The following MID1 variants were observed in gnomAD, a reference collection of about 807,000 sequenced individuals.
The protein encoded by MID1 is E3 ubiquitin-protein ligase Midline-1.
A neutral mutation model predicts 40.4 loss-of-function variants in MID1; 7 were observed. The ratio of observed to expected loss-of-function variants is 0.17; its 90% confidence interval spans 0.10 to 0.33. MID1 has a LOEUF of 0.33. Among genes scored for constraint, MID1 ranks in the 10% least tolerant of loss-of-function variants. The pLI is 1.00. For synonymous variants in MID1, 229 were observed against 221.2 expected, an observed-to-expected ratio of 1.04 and a Z score of -0.31; for missense variants, 367 against 558.5, an observed-to-expected ratio of 0.66 and a Z score of 3.46.
chrX:10,765,537 G>A (rs1406514593), intron 1 of MID1, among the ~76,000 whole-genome samples: 5 of 111,723 alleles, frequency 4.5e-5, no homozygotes, highest in Non-Finnish European at 7.5e-5. Context: ...AGTTTTTAAG[G>A]CTCTTTTCTT....
chrX:10,719,345 A>G (rs1353379982), intron 1 of MID1, among the ~76,000 whole-genome samples: 1 of 111,890 alleles, frequency 8.9e-6, no homozygotes, highest in Non-Finnish European at 1.9e-5. Flanking sequence ...CAACTTCAGC[A>G]AAGTCTCAGG....
chrX:10,526,821 C>T (rs1248685891), intron 2 of MID1, among the ~76,000 whole-genome samples: 1 of 111,477 alleles, frequency 9.0e-6, no homozygotes, highest in Non-Finnish European at 1.9e-5. Context: ...AAAGAATTAC[C>T]GAGTCAGTTA....
chrX:10,482,472 G>T lies in MID1; in HGVS notation c.1013+8C>A, dbSNP rs1361489913. The T allele has an allele frequency of 4.1e-6, 5 of 1,206,573 alleles. No individual in the cohort carries two copies. The highest frequency in any genetic ancestry group is 3.5e-5 in the African/African-American group (2 of 57,059). ...AGCCGAGAAATTCCCAGGGGCCCCT[G>T]CACTCACCTCTCGGTGATATTCTTA... is the stretch of plus-strand genomic sequence containing the variant. On this transcript the variant is annotated splice_region_variant and intron_variant, in intron 5 of 9. Transcript: ENST00000317552.
chrX:10,747,958 T>TTTTC (rs200851924), intron 1 of MID1, among the ~76,000 whole-genome samples: 1 of 111,628 alleles, frequency 9.0e-6, no homozygotes, highest in South Asian at 3.7e-4. Flanking sequence ...AGGGACTTCT[T>TTTTC]TTTCTTTCTT....
At chrX:10,487,495 A>G (rs759495983) in intron 4 of MID1, among the ~76,000 whole-genome samples, 35 of 112,017 alleles carry the variant, frequency 3.1e-4, no homozygotes, top group African/African-American at 1.1e-3. Context: ...TAGAATTTAC[A>G]TATCATAAAC....
rs1936224352 is a variant in MID1 at position 10,643,351 on chromosome X, A to G, written c.-186-22932T>C. Among the ~76,000 whole-genome samples the G allele has an allele frequency of 3.6e-5, 4 of 111,937 alleles. No homozygotes were observed. In the South Asian group the frequency reaches 1.5e-3, roughly 42 times the overall value. ...CAAACAGCCCCATCAAAAAGTGGGC[A>G]AAGGATATGAACAGACACTTCTCAA... On this transcript the variant is annotated intron_variant, in intron 1 of 10. Coordinates refer to the MID1 transcript ENST00000380785.
intron 2 of MID1, among the ~76,000 whole-genome samples, chrX:10,553,285 T>C (rs1368980311): frequency 9.3e-6 from 1 of 107,997 alleles, no homozygotes; most frequent in African/African-American, 3.5e-5. Context: ...TATATATATA[T>C]GTATACACAC....
intron 2 of MID1, among the ~76,000 whole-genome samples, chrX:10,552,479 T>C (rs2046188146): frequency 9.0e-6 from 1 of 111,478 alleles, no homozygotes; most frequent in Non-Finnish European, 1.9e-5. Flanking sequence ...ACCCATATCC[T>C]GCAATACTTT....
intron 2 of MID1, among the ~76,000 whole-genome samples, chrX:10,566,338 G>A (rs1025182579): frequency 4.5e-5 from 5 of 111,354 alleles, no homozygotes; most frequent in Admixed American, 9.5e-5. Flanking sequence ...AAAAGGTCAC[G>A]TGTCCTCTAA....
intron 1 of MID1, among the ~76,000 whole-genome samples, chrX:10,820,280 A>G (rs2044165756): frequency 8.9e-6 from 1 of 112,211 alleles, no homozygotes; most frequent in African/African-American, 3.2e-5. Context: ...GAACTGGGCA[A>G]ATCCATAAAG....
intron 2 of MID1, among the ~76,000 whole-genome samples, chrX:10,560,002 C>T (rs1244396714): frequency 1.8e-5 from 2 of 109,119 alleles, no homozygotes; most frequent in Non-Finnish European, 3.8e-5. Context: ...TCACCTCAGC[C>T]TCCAGAGTAA....
chrX:10,570,280 G>A (rs1934686056), intron 1 of MID1, among the ~76,000 whole-genome samples: 1 of 111,806 alleles, frequency 8.9e-6, no homozygotes, highest in Admixed American at 9.5e-5. Flanking sequence ...CTGCTCCAGT[G>A]TCACTTTCTC....
chrX:10,655,735 C>T (rs915699276), intron 1 of MID1, among the ~76,000 whole-genome samples: 13 of 110,734 alleles, frequency 1.2e-4, no homozygotes, highest in Non-Finnish European at 2.3e-4. Flanking sequence ...GGCTTGTGCT[C>T]GCTGGCCGCT....
At chrX:10,725,120 A>AACAGC (rs2043381038) in intron 1 of MID1, among the ~76,000 whole-genome samples, 1 of 112,158 alleles carries the variant, frequency 8.9e-6, no homozygotes, top group African/African-American at 3.2e-5. Flanking sequence ...TACAGAAGAA[A>AACAGC]ACAGCACTTT....
chrX:10,597,058 G>A (rs914980499), intron 1 of MID1, among the ~76,000 whole-genome samples: 5 of 110,873 alleles, frequency 4.5e-5, no homozygotes, highest in Non-Finnish European at 9.4e-5. Context: ...GAGAGAGAGA[G>A]AGAATGGCTA....
chrX:10,770,975 G>A (rs971698376), intron 1 of MID1, among the ~76,000 whole-genome samples: 14 of 109,123 alleles, frequency 1.3e-4, no homozygotes, highest in African/African-American at 4.0e-4. Context: ...GCGTGGTGGC[G>A]GGCGCCTGTA....
chrX:10,554,494 A>G (rs1188641228), intron 2 of MID1, among the ~76,000 whole-genome samples: 1 of 112,115 alleles, frequency 8.9e-6, no homozygotes, highest in African/African-American at 3.2e-5. Context: ...TTATCAGATG[A>G]ACGTTTTATT....
intron 1 of MID1, among the ~76,000 whole-genome samples, chrX:10,703,559 C>T (rs201026081): frequency 9.0e-6 from 1 of 110,795 alleles, no homozygotes; most frequent in Non-Finnish European, 1.9e-5. Flanking sequence ...CCCAGCTACT[C>T]GGGAGGCTGA....
intron 1 of MID1, among the ~76,000 whole-genome samples, chrX:10,619,051 G>A (rs973308607): frequency 4.8e-4 from 53 of 111,554 alleles, no homozygotes; most frequent in African/African-American, 1.6e-3. Context: ...GCAAGCAGAC[G>A]GCACTTGCTC....
Sources: allele counts gnomAD v4.1 joint callset (sites outside exome capture counted in the v4.1 genomes callset), GRCh38; gene constraint gnomAD v4.1.1; transcripts MANE v1.5; gene names NCBI Gene and HGNC (gene_info 2026-07-23, HGNC 2026-07-21).